The following DNAJC6 variants were observed in gnomAD, a reference collection of about 807,000 sequenced individuals.
DNAJC6 encodes the protein auxilin.
In DNAJC6, 34 loss-of-function variants were observed where a neutral mutation model predicts 110.0. The ratio of observed to expected loss-of-function variants is 0.31; its 90% CI spans 0.24 to 0.41. DNAJC6 has a LOEUF of 0.41. Among genes scored for constraint, DNAJC6 ranks in the 10% least tolerant of loss-of-function variants. The pLI is 1.00. For synonymous variants in DNAJC6, 406 were observed against 437.2 expected, an observed-to-expected ratio of 0.93 and a Z score of 0.89; for missense variants, 1,031 against 1,207.8, an observed-to-expected ratio of 0.85 and a Z score of 2.17.
In DNAJC6 at chr1:65,320,757, A is replaced by T. The variant is rs9436710; in HGVS notation, c.193+10819A>T. 3.9e-3 allele frequency among the ~76,000 whole-genome samples: 600 copies of T among 152,222 alleles called. 2 individuals are homozygous for T. The highest frequency in any genetic ancestry group is 0.014 in the African/African-American group (586 of 41,510). On this transcript the variant is annotated intron_variant, in intron 1 of 18. Coordinates refer to ENST00000371069, the MANE Select transcript of DNAJC6 (RefSeq NM_001256864.2). ...AGATATATGGTTCTATGGTATGCTA[A>T]ATTCTATGGAGGGCTAGAGCAAGCA... is the stretch of plus-strand genomic sequence containing the variant.
chr1:65,332,198 G>A (rs75405915), intron 1 of DNAJC6, among the ~76,000 whole-genome samples: 36 of 152,166 alleles, frequency 2.4e-4, no homozygotes, highest in African/African-American at 7.7e-4. Flanking sequence ...GTTAACGTGG[G>A]GCACTCAATG....
chr1:65,265,817 G>A lies in DNAJC6; in HGVS notation c.-131+885G>A, dbSNP rs548295816. ...TCGTGCTCCTGGCCCGCGTGCCCAG[G>A]AAGGGCGCAGCGGAGTCGCGTGCCC... On this transcript the variant is annotated intron_variant, in intron 1 of 19. Transcript: ENST00000263441. Among the ~76,000 whole-genome samples, 9 of 152,278 alleles carry A rather than the reference G, an allele frequency of 5.9e-5. 1 individual carries two copies. Among genetic ancestry groups the A allele is most frequent in the South Asian group, 4.1e-4 (2 of 4,832 alleles).
In DNAJC6 at chr1:65,389,574, A is replaced by G. The variant is rs756700209; in HGVS notation, c.1415A>G (p.Asp472Gly). ...CAGGCTCCAATAGATATCCCTCCAG[A>G]CAACCCCAGGCATTACGGACAAAGT... ...GGQAPIDIPP[D>G]NPRHYGQSGF... Residue 472 changes from aspartate to glycine, a missense_variant, in exon 11 of 19, where the codon GAC becomes GGC. Asp to Gly is a moderately conservative substitution (Grantham distance 94). Transcript: ENST00000371069. 1 of 1,614,166 alleles carries G rather than the reference A, an allele frequency of 6.2e-7. No individual in the cohort carries two copies. Among genetic ancestry groups the G allele is most frequent in the Non-Finnish European group, 8.5e-7 (1 of 1,180,024 alleles).
chr1:65,294,318 T>C (rs1296586381), intron 1 of DNAJC6, among the ~76,000 whole-genome samples: 3 of 152,198 alleles, frequency 2.0e-5, no homozygotes, highest in African/African-American at 4.8e-5. Context: ...CAGTTCTTAT[T>C]GTATGGGTAA....
intron 1 of DNAJC6, among the ~76,000 whole-genome samples, chr1:65,343,183 A>G (rs1454737721): frequency 1.3e-5 from 2 of 152,084 alleles, no homozygotes; most frequent in African/African-American, 2.4e-5. Context: ...CCTGATACAC[A>G]TTCCTCTCCA....
At chr1:65,328,287 C>G (rs1645258674) in intron 1 of DNAJC6, among the ~76,000 whole-genome samples, 1 of 152,136 alleles carries the variant, frequency 6.6e-6, no homozygotes, top group African/African-American at 2.4e-5. Context: ...TATTTCATAA[C>G]TACAGTTTTA....
Position 65,309,736 on chromosome 1 carries a change from G to T in DNAJC6, c.-10G>T, listed in dbSNP as rs1477764423. On this transcript the variant is annotated 5_prime_UTR_variant, in exon 1 of 19. Transcript: ENST00000371069. Reference sequence around the variant, plus strand: ...AGGTTGATTATTTTCTCTTTTCTCCGGGCTTGCCCATGAGCCTCCTCGGGA... The same window carrying T: ...AGGTTGATTATTTTCTCTTTTCTCCTGGCTTGCCCATGAGCCTCCTCGGGA... The T allele has an allele frequency of 1.9e-6, 3 of 1,539,896 alleles. No individual in the cohort carries two copies. The highest frequency in any genetic ancestry group is 4.0e-5 in the Admixed American group (2 of 50,426).
chr1:65,299,046 C>T (rs1557505639), intron 1 of DNAJC6: 1 of 152,198 alleles, frequency 6.6e-6, no homozygotes, highest in Non-Finnish European at 1.5e-5. Context: ...AGAAATGGAC[C>T]AACTTGATAA....
intron 1 of DNAJC6, among the ~76,000 whole-genome samples, chr1:65,318,825 A>G (rs1645171050): frequency 6.6e-6 from 1 of 152,206 alleles, no homozygotes; most frequent in Non-Finnish European, 1.5e-5. Flanking sequence ...TCTATGTAAC[A>G]AACATGCTGC....
intron 5 of DNAJC6, among the ~76,000 whole-genome samples, chr1:65,383,427 G>A (rs1164778729): frequency 6.6e-6 from 1 of 152,154 alleles, no homozygotes; most frequent in Non-Finnish European, 1.5e-5. Flanking sequence ...CAAAGTGCTG[G>A]GATTACAGAC....
intron 1 of DNAJC6, among the ~76,000 whole-genome samples, chr1:65,273,769 C>A (rs1653580148): frequency 6.6e-6 from 1 of 151,854 alleles, no homozygotes; most frequent in South Asian, 2.1e-4. Context: ...AATTTTTAAA[C>A]AGTTGGGGAG....
At chr1:65,358,048 G>A (rs548587382) in intron 1 of DNAJC6, among the ~76,000 whole-genome samples, 4 of 151,328 alleles carry the variant, frequency 2.6e-5, no homozygotes, top group Non-Finnish European at 5.9e-5. Flanking sequence ...GCATGGTGGC[G>A]GGCACCTGTA....
intron 1 of DNAJC6, among the ~76,000 whole-genome samples, chr1:65,343,186 C>T (rs1389681283): frequency 6.6e-6 from 1 of 152,190 alleles, no homozygotes; most frequent in East Asian, 1.9e-4. Flanking sequence ...GATACACATT[C>T]CTCTCCATTT....
intron 1 of DNAJC6, among the ~76,000 whole-genome samples, chr1:65,292,229 G>A (rs1644884055): frequency 6.6e-6 from 1 of 151,600 alleles, no homozygotes; most frequent in Non-Finnish European, 1.5e-5. Flanking sequence ...TGTTGGCCAG[G>A]CTGGTCTTGA....
intron 14 of DNAJC6, among the ~76,000 whole-genome samples, chr1:65,399,655 T>C (rs1304537576): frequency 1.3e-5 from 2 of 152,152 alleles, no homozygotes; most frequent in Admixed American, 1.3e-4. Context: ...ACCTCCCCAC[T>C]GACCTTCTCA....
At chr1:65,358,199 A>C (rs937405360) in intron 1 of DNAJC6, among the ~76,000 whole-genome samples, 4 of 151,414 alleles carry the variant, frequency 2.6e-5, no homozygotes, top group East Asian at 1.9e-4. Flanking sequence ...AAAAAAAAAA[A>C]ACAAAACCTA....
intron 15 of DNAJC6, among the ~76,000 whole-genome samples, chr1:65,402,946 T>C (rs1268458720): frequency 6.6e-6 from 1 of 152,236 alleles, no homozygotes; most frequent in Non-Finnish European, 1.5e-5. Context: ...TTATTTATTT[T>C]TAATGCATTT....
At position 65,408,750 on chromosome 1, in the gene DNAJC6, A is replaced by G; in HGVS notation, c.2601A>G (p.Glu867=). Residue 867 remains glutamate (E), a synonymous_variant, in exon 17 of 19, where the codon GAA becomes GAG. Coordinates refer to ENST00000371069, the MANE Select transcript of DNAJC6 (RefSeq NM_001256864.2). ...CAATAGCTGAGATGAGAAAGGAGGA[A>G]ATGGCCAAGGAAATGGATCCTGAGA... ...PRTIAEMRKE[E]MAKEMDPEKL... 6.2e-7 allele frequency: 1 copy of G among 1,613,712 alleles called. No homozygotes were observed. The highest frequency in any genetic ancestry group is 8.5e-7 in the Non-Finnish European group (1 of 1,179,818).
intron 1 of DNAJC6, among the ~76,000 whole-genome samples, chr1:65,356,594 A>T (rs1645546218): frequency 6.6e-6 from 1 of 151,488 alleles, no homozygotes; most frequent in Admixed American, 6.6e-5. Flanking sequence ...ATAAAATAAA[A>T]TAAAATAAAA....
Sources: allele counts gnomAD v4.1 joint callset (sites outside exome capture counted in the v4.1 genomes callset), GRCh38; gene constraint gnomAD v4.1.1; transcripts MANE v1.5; gene names NCBI Gene and HGNC (gene_info 2026-07-23, HGNC 2026-07-21).